Variants in KLHL1 observed in about 807,000 individuals in gnomAD.
The protein encoded by KLHL1 is kelch-like protein 1.
KLHL1 carries 47 observed loss-of-function variants against 77.7 expected under a neutral mutation model. That is an observed-to-expected ratio of 0.60 (90% CI 0.48 to 0.77). The LOEUF is 0.77. Among genes scored for constraint, KLHL1 ranks in the 30% least tolerant of loss-of-function variants. The pLI is 0.00. For missense variants in KLHL1, 925 were observed against 910.8 expected (o/e 1.02, Z -0.20); for synonymous variants, 360 against 325.2 (o/e 1.11, Z -1.15).
At chr13:70,001,940 G>A (rs575937740) in intron 1 of KLHL1, among the ~76,000 whole-genome samples, 1 of 151,652 alleles carries the variant, frequency 6.6e-6, no homozygotes, top group East Asian at 1.9e-4. Flanking sequence ...ATAAGAGCTG[G>A]CATTCTACTG....
intron 7 of KLHL1, among the ~76,000 whole-genome samples, chr13:69,762,382 A>G (rs1875070393): frequency 6.6e-6 from 1 of 152,108 alleles, no homozygotes; most frequent in Non-Finnish European, 1.5e-5. Flanking sequence ...CGACTCTGAT[A>G]TGACTAAGTG....
chr13:70,073,263 A>G (rs1003661975), intron 1 of KLHL1, among the ~76,000 whole-genome samples: 6 of 152,248 alleles, frequency 3.9e-5, no homozygotes, highest in South Asian at 2.1e-4. Context: ...TTGTAGGGAC[A>G]TGGATGAAAC....
At chr13:69,996,307 A>G (rs1885151123) in intron 1 of KLHL1, among the ~76,000 whole-genome samples, 1 of 152,116 alleles carries the variant, frequency 6.6e-6, no homozygotes, top group Non-Finnish European at 1.5e-5. Context: ...GTTTAAAAAA[A>G]ATAAAATAAA....
chr13:69,879,009 T>C (rs1228883014), intron 5 of KLHL1, among the ~76,000 whole-genome samples: 1 of 151,756 alleles, frequency 6.6e-6, no homozygotes, highest in Non-Finnish European at 1.5e-5. Context: ...GGAGAAAAAA[T>C]CAAACACCAC....
chr13:69,787,227 G>T (rs1401683703), intron 7 of KLHL1, among the ~76,000 whole-genome samples: 1 of 152,130 alleles, frequency 6.6e-6, no homozygotes, highest in Non-Finnish European at 1.5e-5. Context: ...AAAGAACAAA[G>T]CTGGAGGCAT....
At chr13:69,933,648 G>A (rs1883078445) in intron 4 of KLHL1, among the ~76,000 whole-genome samples, 1 of 152,112 alleles carries the variant, frequency 6.6e-6, no homozygotes, top group African/African-American at 2.4e-5. Flanking sequence ...AAGGCTTTAT[G>A]CTGCAGGTAT....
At chr13:69,923,000 A>G (rs1018451932) in intron 4 of KLHL1, among the ~76,000 whole-genome samples, 2 of 152,234 alleles carry the variant, frequency 1.3e-5, no homozygotes, top group African/African-American at 4.8e-5. Context: ...TCAATATTAC[A>G]TAATGAATTA....
chr13:70,017,187 C>T (rs76542809), intron 1 of KLHL1, among the ~76,000 whole-genome samples: 12,762 of 152,262 alleles, frequency 0.084, 602 homozygotes, highest in Non-Finnish European at 0.11. Flanking sequence ...AGAGCTGTTA[C>T]ACAAACAGAT....
chr13:70,058,991 G>A (rs1886812536), intron 1 of KLHL1, among the ~76,000 whole-genome samples: 1 of 152,068 alleles, frequency 6.6e-6, no homozygotes, highest in African/African-American at 2.4e-5. Flanking sequence ...ATGGTGATGG[G>A]AAAACTGGAT....
At chr13:70,020,207 G>A (rs1011974914) in intron 1 of KLHL1, among the ~76,000 whole-genome samples, 3 of 152,110 alleles carry the variant, frequency 2.0e-5, no homozygotes, top group African/African-American at 7.2e-5. Flanking sequence ...GAAAACCAAA[G>A]TTATATTCTA....
At chr13:69,982,851 G>A (rs1249290587) in intron 1 of KLHL1, among the ~76,000 whole-genome samples, 1 of 151,986 alleles carries the variant, frequency 6.6e-6, no homozygotes, top group African/African-American at 2.4e-5. Flanking sequence ...GTTTTCATAT[G>A]GGAAATCCTA....
intron 6 of KLHL1, among the ~76,000 whole-genome samples, chr13:69,812,912 G>A (rs1473213011): frequency 6.9e-6 from 1 of 144,930 alleles, no homozygotes; most frequent in Non-Finnish European, 1.5e-5. Flanking sequence ...GGAAGACAGT[G>A]TGGCAATTCC....
Position 70,053,327 on chromosome 13 carries a change from G to A in KLHL1, c.497+53876C>T, listed in dbSNP as rs566045798. 7.2e-5 allele frequency among the ~76,000 whole-genome samples: 11 copies of A among 152,064 alleles called. No individual in the cohort carries two copies. In the South Asian group the frequency reaches 2.3e-3, roughly 32 times the overall value. On this transcript the variant is annotated intron_variant, in intron 1 of 10. Coordinates refer to ENST00000377844, the MANE Select transcript of KLHL1 (RefSeq NM_020866.3). ...TATAAGATGTGAAAGATAAGTTAGG[G>A]CCAGATCTAGAGAGCATAATATGTG... is the stretch of plus-strand genomic sequence containing the variant.
chr13:69,720,742 G>A (rs1873009769), intron 8 of KLHL1, among the ~76,000 whole-genome samples: 1 of 151,478 alleles, frequency 6.6e-6, no homozygotes, highest in Admixed American at 6.6e-5. Flanking sequence ...ATTTGAGGAT[G>A]ACTAAATAGT....
chr13:69,988,215 G>T (rs1884928955), intron 1 of KLHL1, among the ~76,000 whole-genome samples: 1 of 152,116 alleles, frequency 6.6e-6, no homozygotes, highest in East Asian at 1.9e-4. Context: ...GTGTGGTGGT[G>T]TTTGGTTTTC....
rs1887367769 is a variant in KLHL1, at chr13:70,080,515, C to CTTTT, written c.497+26687_497+26688insAAAA. 2.0e-5 allele frequency among the ~76,000 whole-genome samples: 3 copies of CTTTT among 152,198 alleles called. No individual in the cohort carries two copies. The South Asian group carries it at 6.2e-4, about 32-fold the overall frequency. On this transcript the variant is annotated intron_variant, in intron 1 of 10. Transcript: ENST00000377844. ...CATATTAATTTTATAAATATGCTGA[C>CTTTT]AAAATAATATATTGGCCAGTTACAA...
chr13:70,028,979 T>TAAAA (rs5804464), intron 1 of KLHL1, among the ~76,000 whole-genome samples: 2 of 146,944 alleles, frequency 1.4e-5, no homozygotes, highest in South Asian at 2.1e-4. Context: ...GAAAACTTGT[T>TAAAA]AAAAAAAAAA....
At chr13:69,780,311 GGA>G (rs1317795849) in intron 7 of KLHL1, among the ~76,000 whole-genome samples, 3 of 151,986 alleles carry the variant, frequency 2.0e-5, no homozygotes, top group African/African-American at 7.2e-5. Flanking sequence ...TGTATTGAGT[GGA>G]TATATTTAAA....
At chr13:69,827,085 T>C (rs1302992009) in intron 6 of KLHL1, among the ~76,000 whole-genome samples, 2 of 149,874 alleles carry the variant, frequency 1.3e-5, no homozygotes, top group Non-Finnish European at 2.9e-5. Flanking sequence ...TATGTTACGT[T>C]AGATTTTGAA....
Sources: gnomAD v4.1 joint callset for allele counts (sites outside exome capture counted in the v4.1 genomes callset) on GRCh38, gnomAD v4.1.1 for gene constraint, MANE v1.5 for transcripts, NCBI Gene and HGNC (gene_info 2026-07-23, HGNC 2026-07-21) for gene names.